PRORP: variants seen among roughly 807,000 people sequenced by gnomAD.
PRORP encodes the protein mitochondrial ribonuclease P catalytic subunit.
Under a neutral mutation model 59.4 loss-of-function variants are expected in PRORP, and 51 were observed. The observed-to-expected ratio is 0.86, with a 90% confidence interval of 0.69 to 1.08. PRORP has a LOEUF of 1.08. Ranked by LOEUF, PRORP falls within the 50% of genes least tolerant of loss-of-function variation. The pLI, the probability that PRORP is intolerant of heterozygous loss-of-function variation, is 0.00. For missense variants in PRORP, 646 were observed against 690.3 expected, an observed-to-expected ratio of 0.94 and a Z score of 0.72; for synonymous variants, 231 against 245.6, an observed-to-expected ratio of 0.94 and a Z score of 0.55.
chr14:35,167,508 A>G (rs2048213497), intron 4 of PRORP, among the ~76,000 whole-genome samples: 1 of 152,150 alleles, frequency 6.6e-6, no homozygotes, highest in Non-Finnish European at 1.5e-5. Flanking sequence ...TACTGTTGCC[A>G]GTTTAAAATT....
intron 4 of PRORP, among the ~76,000 whole-genome samples, chr14:35,134,449 A>G (rs188401687): frequency 3.9e-5 from 6 of 152,278 alleles, no homozygotes; most frequent in Non-Finnish European, 7.4e-5. Context: ...ATGATGTACT[A>G]CCTGGATATT....
At chr14:35,134,624 C>CG (rs1272771969) in intron 4 of PRORP, among the ~76,000 whole-genome samples, 1 of 151,968 alleles carries the variant, frequency 6.6e-6, no homozygotes, top group Non-Finnish European at 1.5e-5. Flanking sequence ...TGACTCTGAC[C>CG]GGTACCCCAT....
chr14:35,222,494 GTGCCAGCCC>G, intron 5 of PRORP: 1 of 152,268 alleles, frequency 6.6e-6, no homozygotes, highest in Non-Finnish European at 1.5e-5. Context: ...TCCACTACCG[GTGCCAGCCC>G]TGCCTCTCCA....
At chr14:35,129,625 C>T (rs10131299) in intron 4 of PRORP, among the ~76,000 whole-genome samples, 1,776 of 152,102 alleles carry the variant, frequency 0.012, 37 homozygotes, top group African/African-American at 0.041. Context: ...CAGGCGCACA[C>T]CACCATGCCC....
At chr14:35,166,847 T>C (rs899848322) in intron 4 of PRORP, among the ~76,000 whole-genome samples, 6 of 152,214 alleles carry the variant, frequency 3.9e-5, no homozygotes, top group African/African-American at 1.2e-4. Context: ...AAGAGATCCA[T>C]TAATGCTCAG....
chr14:35,178,273 G>A (rs1170835951), intron 4 of PRORP, among the ~76,000 whole-genome samples: 5 of 152,168 alleles, frequency 3.3e-5, no homozygotes, highest in Admixed American at 2.0e-4. Flanking sequence ...TTGATGCCGA[G>A]CTGAGTTCAA....
chr14:35,151,639 TACACACACACACACACACACACACAC>T (rs55940352), intron 4 of PRORP, among the ~76,000 whole-genome samples: 1 of 141,724 alleles, frequency 7.1e-6, no homozygotes, highest in Admixed American at 7.0e-5. Flanking sequence ...CACACACACA[TACACACACACACACACACACACACAC>T]ACACACACAC....
chr14:35,250,143 G>T (rs917987315), intron 5 of PRORP, among the ~76,000 whole-genome samples: 1 of 151,876 alleles, frequency 6.6e-6, no homozygotes, highest in African/African-American at 2.4e-5. Flanking sequence ...AGCTACTCGG[G>T]AGGCTGAGGC....
At chr14:35,175,326 C>A (rs2048420669) in intron 4 of PRORP, among the ~76,000 whole-genome samples, 1 of 152,124 alleles carries the variant, frequency 6.6e-6, no homozygotes, top group South Asian at 2.1e-4. Context: ...ACACTGTCTT[C>A]CACAATGGTT....
At chr14:35,183,244 A>G (rs965461543) in intron 5 of PRORP, among the ~76,000 whole-genome samples, 1 of 149,120 alleles carries the variant, frequency 6.7e-6, no homozygotes, top group African/African-American at 2.4e-5. Flanking sequence ...ACACACGCAC[A>G]CACACACAAT....
intron 5 of PRORP, among the ~76,000 whole-genome samples, chr14:35,191,990 C>T (rs989529730): frequency 6.6e-6 from 1 of 152,182 alleles, no homozygotes; most frequent in African/African-American, 2.4e-5. Flanking sequence ...TTTCCATTAA[C>T]ATCATCTCTC....
intron 5 of PRORP, among the ~76,000 whole-genome samples, chr14:35,227,552 C>G (rs992138338): frequency 5.9e-5 from 9 of 152,068 alleles, no homozygotes; most frequent in Admixed American, 1.3e-4. Flanking sequence ...CAGCTTGCAC[C>G]TATAAATCTG....
chr14:35,215,628 CTA>C (rs1477848479), intron 5 of PRORP, among the ~76,000 whole-genome samples: 2 of 152,070 alleles, frequency 1.3e-5, no homozygotes, highest in Non-Finnish European at 2.9e-5. Flanking sequence ...TGGCGTCTGC[CTA>C]TAGTCCTAGC....
intron 4 of PRORP, among the ~76,000 whole-genome samples, chr14:35,128,507 T>C (rs904179755): frequency 6.6e-6 from 1 of 152,150 alleles, no homozygotes; most frequent in Non-Finnish European, 1.5e-5. Context: ...ATGGCTTCGA[T>C]CTCGTTACTT....
chr14:35,178,037 C>T (rs2048499188), intron 4 of PRORP, among the ~76,000 whole-genome samples: 1 of 152,144 alleles, frequency 6.6e-6, no homozygotes, highest in South Asian at 2.1e-4. Flanking sequence ...TGTTCAATTT[C>T]CATGTAGTTG....
chr14:35,176,296 A>G lies in PRORP; in HGVS notation c.1168-4374A>G, dbSNP rs1427584914. 2.6e-5 allele frequency among the ~76,000 whole-genome samples: 4 copies of G among 152,140 alleles called. No homozygotes were observed. In the East Asian group the frequency reaches 7.7e-4, roughly 29 times the overall value. ...TGTGAAGAAAGTCATTGGTAGCTTG[A>G]TGGGGATGGCATTGAATCTATAAAT... On this transcript the variant is annotated intron_variant, in intron 4 of 7. Coordinates refer to ENST00000534898, the MANE Select transcript of PRORP (RefSeq NM_014672.4).
chr14:35,187,428 G>GTTTTTT (rs34808330), intron 5 of PRORP, among the ~76,000 whole-genome samples: 2 of 138,982 alleles, frequency 1.4e-5, no homozygotes, highest in African/African-American at 2.7e-5. Context: ...TAGTTTCTTT[G>GTTTTTT]TTTTTTTTTT....
At chr14:35,153,349 A>G (rs1471080791) in intron 4 of PRORP, among the ~76,000 whole-genome samples, 1 of 152,216 alleles carries the variant, frequency 6.6e-6, no homozygotes, top group Non-Finnish European at 1.5e-5. Context: ...AGTACAGTCC[A>G]GCTTCAGCTC....
intron 4 of PRORP, among the ~76,000 whole-genome samples, chr14:35,172,959 C>T (rs529374147): frequency 1.1e-4 from 17 of 152,036 alleles, no homozygotes; most frequent in African/African-American, 4.1e-4. Flanking sequence ...CCTTCACTTC[C>T]CAAGATCAAG....
Sources: gnomAD v4.1 joint callset for allele counts (sites outside exome capture counted in the v4.1 genomes callset) on GRCh38, gnomAD v4.1.1 for gene constraint, MANE v1.5 for transcripts, NCBI Gene and HGNC (gene_info 2026-07-23, HGNC 2026-07-21) for gene names.